GCNA: variants seen among roughly 807,000 people sequenced by gnomAD.
The protein encoded by GCNA is germ cell nuclear acidic protein.
A neutral mutation model predicts 38.8 loss-of-function variants in GCNA; 3 were observed. That is an observed-to-expected ratio of 0.08 (90% CI 0.04 to 0.20). The LOEUF (loss-of-function observed/expected upper bound fraction) is 0.20. Ranked by LOEUF, GCNA falls within the 10% of genes least tolerant of loss-of-function variation. GCNA has a pLI of 1.00. For missense variants in GCNA, 446 were observed against 578.6 expected, an observed-to-expected ratio of 0.77 and a Z score of 2.35; for synonymous variants, 195 against 240.2, an observed-to-expected ratio of 0.81 and a Z score of 1.74.
At chrX:71,593,054 T>C (rs2040641714) in intron 4 of GCNA, among the ~76,000 whole-genome samples, 1 of 111,188 alleles carries the variant, frequency 9.0e-6, no homozygotes, top group Non-Finnish European at 1.9e-5. Flanking sequence ...CTACCATGCC[T>C]GGCTAATTTT....
At chrX:71,580,955 G>GTTTA (rs2040542656) in intron 2 of GCNA, 75 bp downstream of exon 2, 1 of 981,635 alleles carries the variant, frequency 1.0e-6, no homozygotes, top group Non-Finnish European at 1.4e-6. Flanking sequence ...CGAGAAGTAT[G>GTTTA]TTTATTTCCT....
At chrX:71,603,491 T>C (rs1388323097) in intron 7 of GCNA, 97 bp from the exon 8 acceptor site, 2 of 1,101,552 alleles carry the variant, frequency 1.8e-6, no homozygotes, top group South Asian at 2.2e-5. Flanking sequence ...AGTTCCTGTC[T>C]TGTTTAATTT....
intron 2 of GCNA, among the ~76,000 whole-genome samples, chrX:71,589,660 T>G (rs1047531035): frequency 1.0e-4 from 11 of 107,589 alleles, no homozygotes; most frequent in Non-Finnish European, 2.1e-4. Context: ...GAGACGGGAT[T>G]TTGCTATGTT....
At chrX:71,610,339 C>T (rs1237517444) in intron 10 of GCNA, among the ~76,000 whole-genome samples, 3 of 112,039 alleles carry the variant, frequency 2.7e-5, no homozygotes, top group African/African-American at 6.5e-5. Flanking sequence ...CTGGGCCCGG[C>T]GTGGTGGCTC....
At chrX:71,581,103 C>T (rs1019839859) in intron 2 of GCNA, among the ~76,000 whole-genome samples, 3 of 111,619 alleles carry the variant, frequency 2.7e-5, no homozygotes, top group Non-Finnish European at 5.6e-5. Flanking sequence ...CAGGAAATGA[C>T]GACATTTGAG....
intron 2 of GCNA, among the ~76,000 whole-genome samples, chrX:71,582,531 T>C (rs1231598769): frequency 9.0e-6 from 1 of 111,234 alleles, no homozygotes; most frequent in East Asian, 2.8e-4. Context: ...TGGGAGTATA[T>C]ATTTGGTACA....
At chrX:71,584,475 A>G (rs1488336798) in intron 2 of GCNA, among the ~76,000 whole-genome samples, 2 of 109,704 alleles carry the variant, frequency 1.8e-5, no homozygotes, top group Non-Finnish European at 3.8e-5. Context: ...CTAGTCTCGA[A>G]CTCCTGGGCT....
chrX:71,580,812 C>T lies in GCNA; in HGVS notation c.-2-8C>T. ...CTTAAGAAAGTGTATCTTTGTCTTT[C>T]ACTACAGACATGGATGGGTGCAAAA... On this transcript the variant is annotated splice_region_variant and splice_polypyrimidine_tract_variant and intron_variant, in intron 1 of 12. Coordinates refer to ENST00000373696, the MANE Select transcript of GCNA (RefSeq NM_052957.5). 1.7e-6 allele frequency: 2 copies of T among 1,196,714 alleles called. No homozygotes were observed. The highest frequency in any genetic ancestry group is 2.3e-6 in the Non-Finnish European group (2 of 886,805).
rs767932632 is a variant in GCNA at position 71,586,614 on chromosome X, C to CTTTT, written c.60-5499_60-5496dup. On this transcript the variant is annotated intron_variant, in intron 2 of 12. Coordinates refer to ENST00000373696, the MANE Select transcript of GCNA (RefSeq NM_052957.5). The stretch of plus-strand genomic sequence containing the variant: ...TGTTGTTGGCCATGTGGCCATGTTA[C>CTTTT]TTTTTTTTTTTTGAGACAGAGTTTC... 5.6e-3 allele frequency among the ~76,000 whole-genome samples: 591 copies of CTTTT among 105,021 alleles called. 3 individuals carry two copies. Among genetic ancestry groups the CTTTT allele is most frequent in the African/African-American group, 0.02 (579 of 29,124 alleles). The allele number at this position is 105,021 out of a possible 115,157, so 91.2% of individuals were successfully genotyped here.
chrX:71,606,694 G>A (rs1447677473), intron 9 of GCNA, among the ~76,000 whole-genome samples: 1 of 112,029 alleles, frequency 8.9e-6, no homozygotes. Context: ...AGGGCTGTCT[G>A]TTTCTGCACT....
chrX:71,610,657 C>T (rs1480487560), intron 10 of GCNA, 24 bp from the exon 11 acceptor site: 1 of 1,201,110 alleles, frequency 8.3e-7, no homozygotes, highest in Non-Finnish European at 1.1e-6. Flanking sequence ...TTTCTGATTC[C>T]TTTCATTTGC....
Position 71,608,992 on chromosome X carries a change from C to T in GCNA, c.1486C>T (p.Pro496Ser). 8.3e-7 allele frequency: 1 copy of T among 1,210,189 alleles called. No homozygotes were observed. Among genetic ancestry groups the T allele is most frequent in the Non-Finnish European group, 1.1e-6 (1 of 894,659 alleles). The stretch of plus-strand genomic sequence containing the variant: ...TTGCAGGACTCCTAAATGCAAAGTC[C>T]CTGGATGTTTCTTGCAAGACCTTGA... ...RKTRTPKCKVPGCFLQDLEKS... is the reference protein window; with the variant it reads ...RKTRTPKCKVSGCFLQDLEKS... Residue 496 changes from proline (P) to serine (S), a missense_variant, in exon 10 of 13, where the codon CCT becomes TCT. Physicochemically the swap from Pro to Ser is moderately conservative, Grantham distance 74. Transcript: ENST00000373696.
At chrX:71,579,437 C>T (rs186983582) in intron 1 of GCNA, among the ~76,000 whole-genome samples, 8 of 94,304 alleles carry the variant, frequency 8.5e-5, no homozygotes, top group East Asian at 7.1e-4. Flanking sequence ...CTGGTGGCGG[C>T]GTAGGAACAC....
At chrX:71,596,466 A>T (rs1208147829) in intron 6 of GCNA, among the ~76,000 whole-genome samples, 6 of 112,088 alleles carry the variant, frequency 5.4e-5, no homozygotes, top group African/African-American at 1.9e-4. Context: ...GCTGTTATTT[A>T]TATTTTAAAT....
At chrX:71,599,872 C>T (rs1161667830) in intron 7 of GCNA, among the ~76,000 whole-genome samples, 1 of 112,105 alleles carries the variant, frequency 8.9e-6, no homozygotes, top group African/African-American at 3.2e-5. Context: ...ACCATAGGAA[C>T]ATCTACTCCT....
chrX:71,593,952 G>A (rs1481052318), intron 4 of GCNA, among the ~76,000 whole-genome samples: 2 of 111,650 alleles, frequency 1.8e-5, no homozygotes, highest in Admixed American at 9.5e-5. Flanking sequence ...CTGGGCTCAA[G>A]CAATCCTCCC....
chrX:71,599,544 TC>T (rs1396733639), intron 7 of GCNA, among the ~76,000 whole-genome samples: 2 of 112,338 alleles, frequency 1.8e-5, no homozygotes, highest in Non-Finnish European at 3.8e-5. Context: ...CTAAGGCTGC[TC>T]TTAACCTTGC....
chrX:71,579,292 C>T (rs2040527416), intron 1 of GCNA, among the ~76,000 whole-genome samples: 1 of 92,350 alleles, frequency 1.1e-5, no homozygotes, highest in African/African-American at 4.2e-5. Context: ...GTGCCAGTTG[C>T]GGCCTAGGAG....
chrX:71,585,402 G>A (rs1318346994), intron 2 of GCNA, among the ~76,000 whole-genome samples: 1 of 111,336 alleles, frequency 9.0e-6, no homozygotes, highest in South Asian at 3.8e-4. Flanking sequence ...AGTGCCCAGG[G>A]TGGATCGTTA....
Sources: allele counts gnomAD v4.1 joint callset (sites outside exome capture counted in the v4.1 genomes callset), GRCh38; gene constraint gnomAD v4.1.1; transcripts MANE v1.5; gene names NCBI Gene and HGNC (gene_info 2026-07-23, HGNC 2026-07-21).